Variants in NBEA observed in about 807,000 individuals in gnomAD.
The protein encoded by NBEA is neurobeachin, also known as lysosomal-trafficking regulator 2.
A neutral mutation model predicts 343.4 loss-of-function variants in NBEA; 44 were observed. The observed-to-expected ratio is 0.13, with a 90% CI of 0.10 to 0.16. NBEA has a LOEUF of 0.16. NBEA is among the 10% of genes least tolerant of loss of function. The probability of loss-of-function intolerance (pLI) is 1.00; values close to 1 mark genes in which losing one functional copy is unlikely to be tolerated. For missense variants in NBEA, 2,555 were observed against 3,631.3 expected (o/e 0.70, Z 7.62); for synonymous variants, 1,175 against 1,238.7 (o/e 0.95, Z 1.08).
In NBEA at chr13:35,182,609, G is replaced by T. The variant is rs148091387; in HGVS notation, c.4831+81G>T. ...CACCTTTACATCTAGATTTAAACTG[G>T]ACCTCTTCATAATCACCTCAAATAT... On this transcript the variant is annotated intron_variant, in intron 29 of 58. Coordinates refer to ENST00000379939, the MANE Select transcript of NBEA (RefSeq NM_001385012.1). 109 of 1,296,056 alleles carry T rather than the reference G, an allele frequency of 8.4e-5. 1 individual carries two copies. The East Asian group carries it at 2.6e-3, about 31-fold the overall frequency. The allele number at this position is 1,296,056 out of a possible 1,614,324, so 80.3% of individuals were successfully genotyped here.
At chr13:35,252,200 T>G (rs1227985311) in intron 34 of NBEA, among the ~76,000 whole-genome samples, 2 of 152,056 alleles carry the variant, frequency 1.3e-5, no homozygotes, top group African/African-American at 4.8e-5. Flanking sequence ...GCAAGGTACC[T>G]TCTTCACAAA....
chr13:35,410,512 A>G (rs1403589159), intron 38 of NBEA, among the ~76,000 whole-genome samples: 3 of 152,170 alleles, frequency 2.0e-5, no homozygotes, highest in Non-Finnish European at 2.9e-5. Flanking sequence ...CTTAAGATAT[A>G]TATCAGATGT....
intron 10 of NBEA, among the ~76,000 whole-genome samples, chr13:35,094,887 T>G (rs1216914858): frequency 6.6e-6 from 1 of 151,982 alleles, no homozygotes; most frequent in Non-Finnish European, 1.5e-5. Context: ...CTTAATCAAT[T>G]ACTTTGCAAC....
At chr13:35,503,317 T>C (rs190420989) in intron 41 of NBEA, among the ~76,000 whole-genome samples, 5 of 151,880 alleles carry the variant, frequency 3.3e-5, no homozygotes, top group Non-Finnish European at 7.4e-5. Context: ...TAAAATACTA[T>C]ACATTTTCAA....
At chr13:35,251,267 G>A (rs760472418) in intron 34 of NBEA, 40 of 437,012 alleles carry the variant, frequency 9.2e-5, no homozygotes, top group Non-Finnish European at 1.1e-4. Context: ...TATGCCAGTC[G>A]TCGCTGGTAG....
chr13:35,040,619 A>G (rs1480945252), intron 1 of NBEA, among the ~76,000 whole-genome samples: 1 of 152,038 alleles, frequency 6.6e-6, no homozygotes, highest in Non-Finnish European at 1.5e-5. Context: ...TATCCCTTTT[A>G]AAGGCCAAAC....
At chr13:35,275,525 G>A (rs2034517741) in intron 34 of NBEA, among the ~76,000 whole-genome samples, 1 of 152,160 alleles carries the variant, frequency 6.6e-6, no homozygotes, top group Non-Finnish European at 1.5e-5. Context: ...AAACTAAAGA[G>A]CTTCTGCACA....
chr13:35,665,728 G>A (rs2085320111), intron 56 of NBEA, among the ~76,000 whole-genome samples: 1 of 152,118 alleles, frequency 6.6e-6, no homozygotes, highest in South Asian at 2.1e-4. Flanking sequence ...CTGGGTTCAG[G>A]TGATTCTCCT....
At chr13:35,188,406 C>G (rs2071891259) in intron 30 of NBEA, among the ~76,000 whole-genome samples, 1 of 152,058 alleles carries the variant, frequency 6.6e-6, no homozygotes, top group Non-Finnish European at 1.5e-5. Context: ...TGAACATCTT[C>G]CCAGTCCCTA....
intron 1 of NBEA, among the ~76,000 whole-genome samples, chr13:34,967,131 TG>T (rs2059846685): frequency 6.6e-6 from 1 of 151,898 alleles, no homozygotes; most frequent in South Asian, 2.1e-4. Context: ...TTTTCATTTT[TG>T]GTGTTAGAAA....
intron 41 of NBEA, among the ~76,000 whole-genome samples, chr13:35,538,618 A>G (rs1219124642): frequency 6.6e-6 from 1 of 152,208 alleles, no homozygotes; most frequent in African/African-American, 2.4e-5. Flanking sequence ...TTCAGTCTCT[A>G]CCTACCATGC....
At chr13:35,019,864 T>G (rs1294268581) in intron 1 of NBEA, among the ~76,000 whole-genome samples, 1 of 152,170 alleles carries the variant, frequency 6.6e-6, no homozygotes, top group Non-Finnish European at 1.5e-5. Context: ...TTATTTGTAT[T>G]AGTGGTAATT....
intron 45 of NBEA, among the ~76,000 whole-genome samples, chr13:35,572,260 CTT>C (rs1450987630): frequency 6.6e-6 from 1 of 152,162 alleles, no homozygotes; most frequent in African/African-American, 2.4e-5. Flanking sequence ...GAACTCGACT[CTT>C]AAATTACAGT....
rs550990638 is a variant in NBEA, at chr13:35,485,701, C to A, written c.6585+13165C>A. 2.0e-5 allele frequency among the ~76,000 whole-genome samples: 3 copies of A among 152,180 alleles called. No individual in the cohort carries two copies. The East Asian group carries it at 5.8e-4, about 30-fold the overall frequency. On this transcript the variant is annotated intron_variant, in intron 41 of 58. Coordinates refer to ENST00000379939, the MANE Select transcript of NBEA (RefSeq NM_001385012.1). ...CTCTCTATGCAGATTGCAGAGCTTG[C>A]AGGCTGCTGTGAAAGGCAACCAGAT...
intron 49 of NBEA, among the ~76,000 whole-genome samples, chr13:35,632,633 G>A (rs1001916530): frequency 3.3e-5 from 5 of 151,592 alleles, no homozygotes; most frequent in African/African-American, 1.2e-4. Flanking sequence ...TTCAGAGACA[G>A]TCTCACTCTG....
chr13:35,204,088 A>G (rs1195521953), intron 31 of NBEA, among the ~76,000 whole-genome samples: 1 of 152,140 alleles, frequency 6.6e-6, no homozygotes, highest in East Asian at 1.9e-4. Context: ...ACAAAGCTTC[A>G]TCTGCATTTA....
intron 24 of NBEA, among the ~76,000 whole-genome samples, chr13:35,168,641 G>A (rs529207767): frequency 1.5e-4 from 22 of 151,324 alleles, no homozygotes; most frequent in African/African-American, 5.3e-4. Context: ...CATTATGTTA[G>A]CTTATTTATT....
At chr13:35,102,716 T>C (rs1400083911) in intron 11 of NBEA, among the ~76,000 whole-genome samples, 1 of 151,884 alleles carries the variant, frequency 6.6e-6, no homozygotes, top group African/African-American at 2.4e-5. Flanking sequence ...AGAATTATAA[T>C]TGATATTTAT....
chr13:35,594,947 TCACACACACACACACACA>T (rs71196581), intron 47 of NBEA, among the ~76,000 whole-genome samples: 58 of 111,124 alleles, frequency 5.2e-4, no homozygotes, highest in Admixed American at 4.3e-3. Context: ...TTTGACATCA[TCACACACACACACACACA>T]CACACACACA....
Sources: gnomAD v4.1 joint callset for allele counts (sites outside exome capture counted in the v4.1 genomes callset) on GRCh38, gnomAD v4.1.1 for gene constraint, MANE v1.5 for transcripts, NCBI Gene and HGNC (gene_info 2026-07-23, HGNC 2026-07-21) for gene names.